TRRAP: variants seen among roughly 807,000 people sequenced by gnomAD.
The protein encoded by TRRAP is transformation/transcription domain associated protein, also known as transformation/transcription domain-associated protein.
Under a neutral mutation model 438.8 loss-of-function variants are expected in TRRAP, and 41 were observed. The observed-to-expected ratio is 0.09, with a 90% CI of 0.07 to 0.12. TRRAP has a LOEUF of 0.12. Ranked by LOEUF, TRRAP falls within the 10% of genes least tolerant of loss-of-function variation. The pLI, the probability that TRRAP is intolerant of heterozygous loss-of-function variation, is 1.00. For synonymous variants in TRRAP, 1,994 were observed against 1,962.9 expected (o/e 1.02, Z -0.42); for missense variants, 3,122 against 5,055.1 (o/e 0.62, Z 11.60).
At chr7:98,904,063 G>C (rs374303977) in intron 12 of TRRAP, among the ~76,000 whole-genome samples, 2 of 152,192 alleles carry the variant, frequency 1.3e-5, no homozygotes, top group African/African-American at 4.8e-5. Context: ...GCCTGCCTCA[G>C]CCTTCCAAAG....
Position 99,012,422 on chromosome 7 carries a change from C to T in TRRAP, c.*67C>T. On this transcript the variant is annotated 3_prime_UTR_variant, in exon 73 of 73. Transcript: ENST00000456197. This position sits in a 1 kb window ranked among gnomAD's most constrained non-coding sequence, Gnocchi z 5.9. Reference sequence around the variant, plus strand: ...GGCTCTGAGCCCGCAGCTTTTACGACTTCTCCCTGCCTCGTTCCTTATATT... The same window carrying T: ...GGCTCTGAGCCCGCAGCTTTTACGATTTCTCCCTGCCTCGTTCCTTATATT... 6.7e-7 allele frequency: 1 copy of T among 1,484,430 alleles called. No homozygotes were observed. The highest frequency in any genetic ancestry group is 9.0e-7 in the Non-Finnish European group (1 of 1,107,698). 92.0% of individuals were successfully genotyped at this position (1,484,430 alleles called of 1,614,324 possible).
At chr7:98,972,634 G>C (rs1584378909) in intron 53 of TRRAP, among the ~76,000 whole-genome samples, 1 of 152,196 alleles carries the variant, frequency 6.6e-6, no homozygotes, top group African/African-American at 2.4e-5. Flanking sequence ...TTTATGTCCT[G>C]ACCTTGAAAG....
chr7:98,959,340 C>A lies in TRRAP; in HGVS notation c.6343-4C>A, dbSNP rs1791776443. ...TGCCGGCTGTAACTCGGATGAATTC[C>A]TAGGTTAATGACAACACCAACACAG... On this transcript the variant is annotated splice_polypyrimidine_tract_variant and splice_region_variant and intron_variant, in intron 44 of 72. Coordinates refer to ENST00000456197, the MANE Select transcript of TRRAP (RefSeq NM_001375524.1). 1.9e-6 allele frequency: 3 copies of A among 1,612,876 alleles called. No homozygotes were observed. The East Asian group carries it at 6.7e-5, about 36-fold the overall frequency.
chr7:98,949,882 G>T (rs1295978874), intron 37 of TRRAP, 41 bp downstream of exon 37: 4 of 1,592,848 alleles, frequency 2.5e-6, no homozygotes, highest in Non-Finnish European at 3.4e-6. Flanking sequence ...GACTGGCTCT[G>T]TCCCAAAAGC....
At chr7:98,953,633 G>A (rs554851476) in intron 40 of TRRAP, among the ~76,000 whole-genome samples, 200 bp downstream of exon 40, 68 of 152,252 alleles carry the variant, frequency 4.5e-4, no homozygotes, top group Non-Finnish European at 8.4e-4. Flanking sequence ...AATAGAGATT[G>A]CGGGGGTTGG....
chr7:98,881,758 T>TG, intron 2 of TRRAP: 1 of 502,444 alleles, frequency 2.0e-6, no homozygotes, highest in South Asian at 2.9e-5. Context: ...TGTTTGTGTG[T>TG]GTGTGTATAT....
At chr7:99,004,452 G>T (rs760456062) in intron 68 of TRRAP, 37 bp downstream of exon 68, 30 of 1,585,786 alleles carry the variant, frequency 1.9e-5, no homozygotes, top group Non-Finnish European at 2.5e-5. Context: ...ACTAACCCAC[G>T]GCGCCCATGG....
intron 52 of TRRAP, 124 bp from the exon 53 acceptor site, chr7:98,971,675 C>T (rs898017588): frequency 2.6e-6 from 3 of 1,141,890 alleles, no homozygotes; most frequent in South Asian, 1.6e-5. Context: ...TAAATACTTA[C>T]ACACTTCCAG....
chr7:98,901,160 C>G (rs1303864080), intron 11 of TRRAP, among the ~76,000 whole-genome samples: 2 of 152,248 alleles, frequency 1.3e-5, no homozygotes, highest in Middle Eastern at 3.2e-3. Context: ...TAGCAATTGT[C>G]TCACAGTTCT....
In TRRAP at chr7:98,956,377, C is replaced by T. The variant is rs1554419794; in HGVS notation, c.6097-22C>T. On this transcript the variant is annotated intron_variant, in intron 42 of 72. Transcript: ENST00000456197. This position sits in a 1 kb window ranked among gnomAD's most constrained non-coding sequence, Gnocchi z 4.5. ...CTCCCTAGAAATCAGTCAGTAAAAC[C>T]AAGCGCCTGTGTGTTTTTAAGCCGG... The T allele has an allele frequency of 1.9e-6, 3 of 1,613,538 alleles. No individual in the cohort carries two copies. Among genetic ancestry groups the T allele is most frequent in the Non-Finnish European group, 2.5e-6 (3 of 1,179,744 alleles).
intron 67 of TRRAP, among the ~76,000 whole-genome samples, chr7:99,001,037 C>G (rs1306725145): frequency 6.6e-6 from 1 of 152,238 alleles, no homozygotes; most frequent in Non-Finnish European, 1.5e-5. Flanking sequence ...CCTAAAGACT[C>G]ATTGTGTCCT....
intron 49 of TRRAP, among the ~76,000 whole-genome samples, chr7:98,966,295 G>T (rs1792153267): frequency 6.6e-6 from 1 of 151,716 alleles, no homozygotes; most frequent in Non-Finnish European, 1.5e-5. Flanking sequence ...GACAGAGCAA[G>T]ACTCTGTCTT....
Position 98,878,632 on chromosome 7 carries a change from G to C in TRRAP, c.-67G>C, listed in dbSNP as rs1247651215. The C allele has an allele frequency of 6.6e-6, 1 of 151,470 alleles. No homozygotes were observed. Among genetic ancestry groups the C allele is most frequent in the Non-Finnish European group, 1.5e-5 (1 of 67,888 alleles). The allele number at this position is 151,470 out of a possible 1,614,324, so 9.4% of individuals were successfully genotyped here. A position where few individuals can be genotyped will look rare whatever the true frequency, so the allele number is the denominator to read the frequency against. ...GGCCTGCAGGAGCCGGGCCGCCGAG[G>C]TCGGGGTAAGTTGGCGGGCGGGCGT... On this transcript the variant is annotated 5_prime_UTR_variant, in exon 1 of 73. Transcript: ENST00000456197.
At chr7:98,959,530 A>T in intron 45 of TRRAP, 40 bp downstream of exon 45, 1 of 1,597,550 alleles carries the variant, frequency 6.3e-7, no homozygotes, top group Middle Eastern at 1.7e-4. Flanking sequence ...AGCGCCACCG[A>T]GGCCACTAGC....
intron 24 of TRRAP, 74 bp from the exon 25 acceptor site, chr7:98,930,559 T>TCCATA: frequency 1.3e-6 from 2 of 1,578,622 alleles, no homozygotes; most frequent in East Asian, 2.2e-5. Context: ...GCCTGGGCAA[T>TCCATA]AAGAGCGAAA....
In TRRAP at chr7:98,956,012, C is replaced by A; in HGVS notation, c.5938-134C>A. 9.0e-7 allele frequency: 1 copy of A among 1,107,646 alleles called. No homozygotes were observed. The highest frequency in any genetic ancestry group is 1.3e-6 in the Non-Finnish European group (1 of 795,996). The allele number at this position is 1,107,646 out of a possible 1,614,324, so 68.6% of individuals were successfully genotyped here. A position where few individuals can be genotyped will look rare whatever the true frequency, so the allele number is the denominator to read the frequency against. On this transcript the variant is annotated intron_variant, in intron 41 of 72. Coordinates refer to ENST00000456197, the MANE Select transcript of TRRAP (RefSeq NM_001375524.1). This position sits in a 1 kb window ranked among gnomAD's most constrained non-coding sequence, Gnocchi z 4.5. ...CAGGTTAGGATTCAGAATTCTTGAG[C>A]ATCAAGTTGGGCTGTGTGTGTATGT...
rs569280536 is a variant in TRRAP at position 98,993,443 on chromosome 7, A to G, written c.9848-95A>G. 4 of 1,333,692 alleles carry G rather than the reference A, an allele frequency of 3.0e-6. No individual in the cohort carries two copies. The African/African-American group carries it at 4.4e-5, about 15-fold the overall frequency. 82.6% of individuals were successfully genotyped at this position (1,333,692 alleles called of 1,614,324 possible). A position where few individuals can be genotyped will look rare whatever the true frequency, so the allele number is the denominator to read the frequency against. Reference sequence around the variant, plus strand: ...TGTAGGGATTCACACGCCGGCAGGAACCAGCGCTCCTTTGGCCCATGGGTC... The same window carrying G: ...TGTAGGGATTCACACGCCGGCAGGAGCCAGCGCTCCTTTGGCCCATGGGTC... On this transcript the variant is annotated intron_variant, in intron 65 of 72. Coordinates refer to ENST00000456197, the MANE Select transcript of TRRAP (RefSeq NM_001375524.1).
At chr7:99,007,985 C>T (rs186576353) in intron 69 of TRRAP, among the ~76,000 whole-genome samples, 1 of 151,926 alleles carries the variant, frequency 6.6e-6, no homozygotes. Context: ...GCCACCACTC[C>T]CGGCTAATTT....
At chr7:98,909,511 C>T (rs569711389) in intron 14 of TRRAP, among the ~76,000 whole-genome samples, 62 of 152,298 alleles carry the variant, frequency 4.1e-4, no homozygotes, top group African/African-American at 1.2e-3. Flanking sequence ...AATCAGGCAG[C>T]GCTTGAAAGC....
Sources: gnomAD v4.1 joint callset for allele counts (sites outside exome capture counted in the v4.1 genomes callset) on GRCh38, gnomAD v4.1.1 for gene constraint, Gnocchi (gnomAD v3.1) non-coding constraint, MANE v1.5 for transcripts, NCBI Gene and HGNC (gene_info 2026-07-23, HGNC 2026-07-21) for gene names.